The following STAC variants were observed in gnomAD, a reference collection of about 807,000 sequenced individuals.
STAC encodes the protein SH3 and cysteine rich domain, also known as SH3 and cysteine-rich domain-containing protein.
In STAC, 43 loss-of-function variants were observed where a neutral mutation model predicts 48.8. The ratio of observed to expected loss-of-function variants is 0.88; its 90% CI spans 0.69 to 1.14. The LOEUF (loss-of-function observed/expected upper bound fraction) is 1.14. STAC is among the 50% of genes most tolerant of loss of function. STAC has a pLI of 0.00. For synonymous variants in STAC, 193 were observed against 179.5 expected (o/e 1.07, Z -0.60); for missense variants, 497 against 504.0 (o/e 0.99, Z 0.13).
At chr3:36,411,842 A>C (rs1700201570) in intron 1 of STAC, among the ~76,000 whole-genome samples, 1 of 152,172 alleles carries the variant, frequency 6.6e-6, no homozygotes, top group African/African-American at 2.4e-5. Context: ...TCAGCATGTA[A>C]CTGGGGGCAG....
chr3:36,431,869 C>T (rs1700713210), intron 1 of STAC, among the ~76,000 whole-genome samples: 1 of 152,164 alleles, frequency 6.6e-6, no homozygotes, highest in Non-Finnish European at 1.5e-5. Context: ...GATCTTACAT[C>T]TGCAAACTTC....
intron 2 of STAC, among the ~76,000 whole-genome samples, chr3:36,473,886 C>G (rs1697414971): frequency 6.6e-6 from 1 of 152,134 alleles, no homozygotes; most frequent in South Asian, 2.1e-4. Flanking sequence ...GGACTTTCAT[C>G]AATATCATTT....
At chr3:36,415,046 G>C (rs924593256) in intron 1 of STAC, among the ~76,000 whole-genome samples, 9 of 152,204 alleles carry the variant, frequency 5.9e-5, no homozygotes, top group Admixed American at 2.0e-4. Context: ...TCTCACAGGG[G>C]TGCCCAGCCG....
At chr3:36,488,633 G>A (rs577934666) in intron 5 of STAC, among the ~76,000 whole-genome samples, 153 of 151,968 alleles carry the variant, frequency 1.0e-3, no homozygotes, top group African/African-American at 3.6e-3. Context: ...TTGCAAATCA[G>A]CAGATTCAGA....
chr3:36,405,642 CAT>C (rs1210810611), intron 1 of STAC, among the ~76,000 whole-genome samples: 4 of 152,218 alleles, frequency 2.6e-5, no homozygotes, highest in African/African-American at 7.2e-5. Context: ...CCCAGCCACA[CAT>C]GACAGTTCAG....
chr3:36,394,167 G>A (rs75149479), intron 1 of STAC, among the ~76,000 whole-genome samples: 4,054 of 152,204 alleles, frequency 0.027, 158 homozygotes, highest in African/African-American at 0.092. Context: ...CAATATGGTA[G>A]CCATTAACCA....
intron 2 of STAC, among the ~76,000 whole-genome samples, chr3:36,475,984 G>A (rs1043765150): frequency 1.3e-5 from 2 of 152,216 alleles, no homozygotes; most frequent in Admixed American, 1.3e-4. Flanking sequence ...CTAGCCAGCT[G>A]GAAGCCCATA....
chr3:36,478,396 A>G (rs1005087996), intron 2 of STAC, among the ~76,000 whole-genome samples: 8 of 152,238 alleles, frequency 5.3e-5, no homozygotes, highest in African/African-American at 1.9e-4. Flanking sequence ...TTTACTTCCT[A>G]AACATTTCAT....
chr3:36,380,774 C>G lies in STAC; in HGVS notation c.111+20C>G, dbSNP rs370462309. ...TCCAAGGTACCGAGCACGCTTGCCC[C>G]CAAGAGAACACAAACTCACTCTCCT... On this transcript the variant is annotated intron_variant, in intron 1 of 10. Coordinates refer to ENST00000273183, the MANE Select transcript of STAC (RefSeq NM_003149.3). The G allele has an allele frequency of 1.3e-6, 2 of 1,581,530 alleles. No homozygotes were observed. The highest frequency in any genetic ancestry group is 1.7e-6 in the Non-Finnish European group (2 of 1,156,064).
chr3:36,381,942 G>A (rs559336756), intron 1 of STAC, among the ~76,000 whole-genome samples: 3 of 152,228 alleles, frequency 2.0e-5, no homozygotes, highest in East Asian at 3.9e-4. Context: ...TCTAAAACTC[G>A]GTTGGAAATG....
At chr3:36,467,620 A>G (rs1258815174) in intron 2 of STAC, among the ~76,000 whole-genome samples, 2 of 151,968 alleles carry the variant, frequency 1.3e-5, no homozygotes, top group Non-Finnish European at 2.9e-5. Context: ...GGTTTTCTAG[A>G]TTATCCACAT....
At chr3:36,500,401 C>T (rs1051099615) in intron 6 of STAC, among the ~76,000 whole-genome samples, 3 of 152,112 alleles carry the variant, frequency 2.0e-5, no homozygotes, top group African/African-American at 7.2e-5. Flanking sequence ...ACAATGAGAA[C>T]ACATGGACCC....
chr3:36,510,711 A>G (rs1002920371), intron 8 of STAC, among the ~76,000 whole-genome samples: 6 of 152,204 alleles, frequency 3.9e-5, no homozygotes, highest in Admixed American at 1.3e-4. Context: ...ACAAGAACAG[A>G]AAACCAAACG....
chr3:36,508,242 C>T (rs1698452370), intron 8 of STAC, among the ~76,000 whole-genome samples: 1 of 152,172 alleles, frequency 6.6e-6, no homozygotes, highest in Non-Finnish European at 1.5e-5. Flanking sequence ...GAGTGAGTTT[C>T]TTAATCCTGT....
chr3:36,486,821 G>C (rs1381004480), intron 5 of STAC, among the ~76,000 whole-genome samples: 1 of 152,166 alleles, frequency 6.6e-6, no homozygotes, highest in Non-Finnish European at 1.5e-5. Context: ...ATGCATCTCT[G>C]TGACCTGTTA....
At chr3:36,475,262 A>ATT (rs34947140) in intron 2 of STAC, among the ~76,000 whole-genome samples, 2 of 148,874 alleles carry the variant, frequency 1.3e-5, no homozygotes, top group East Asian at 3.9e-4. Context: ...ACATCATGTT[A>ATT]TTTTTTTTTT....
intron 10 of STAC, 30 bp from the exon 11 acceptor site, chr3:36,546,161 A>G (rs369809557): frequency 5.2e-5 from 83 of 1,590,656 alleles, no homozygotes; most frequent in Non-Finnish European, 6.4e-5. Context: ...ACAGTAAAGT[A>G]TTTTGTTTTT....
At chr3:36,381,000 G>A (rs757895499) in intron 1 of STAC, among the ~76,000 whole-genome samples, 1 of 149,562 alleles carries the variant, frequency 6.7e-6, no homozygotes, top group Non-Finnish European at 1.5e-5. Flanking sequence ...TTCAGAGATC[G>A]ATTTCTTGCG....
chr3:36,460,425 A>C (rs1254241019), intron 2 of STAC, among the ~76,000 whole-genome samples: 1 of 152,164 alleles, frequency 6.6e-6, no homozygotes, highest in Non-Finnish European at 1.5e-5. Context: ...GTCCCATGCA[A>C]TATTTGGGAA....
Sources: gnomAD v4.1 joint callset for allele counts (sites outside exome capture counted in the v4.1 genomes callset) on GRCh38, gnomAD v4.1.1 for gene constraint, MANE v1.5 for transcripts, NCBI Gene and HGNC (gene_info 2026-07-23, HGNC 2026-07-21) for gene names.